LRRC3B: variants seen among roughly 807,000 people sequenced by gnomAD.
LRRC3B encodes the protein leucine rich repeat containing 3B, also known as leucine-rich repeat-containing protein 3B.
A neutral mutation model predicts 12.8 loss-of-function variants in LRRC3B; 2 were observed. The observed-to-expected ratio is 0.16, with a 90% CI of 0.06 to 0.49. The LOEUF (loss-of-function observed/expected upper bound fraction) is 0.49, where lower values mean the gene tolerates loss of function less well. Among genes scored for constraint, LRRC3B ranks in the 20% least tolerant of loss-of-function variants. The probability of loss-of-function intolerance (pLI) is 0.96; values close to 1 mark genes in which losing one functional copy is unlikely to be tolerated. For synonymous variants in LRRC3B, 132 were observed against 122.0 expected (o/e 1.08, Z -0.54); for missense variants, 189 against 319.4 (o/e 0.59, Z 3.11).
chr3:26,628,244 C>A (rs1253744493), intron 1 of LRRC3B, among the ~76,000 whole-genome samples: 1 of 151,754 alleles, frequency 6.6e-6, no homozygotes, highest in Admixed American at 6.6e-5. Context: ...AAAATAAAAA[C>A]TTTTATTCAG....
At chr3:26,658,253 T>A (rs1045669844) in intron 1 of LRRC3B, among the ~76,000 whole-genome samples, 1 of 151,956 alleles carries the variant, frequency 6.6e-6, no homozygotes, top group African/African-American at 2.4e-5. Flanking sequence ...AGAGACGGGG[T>A]TTCACCATGT....
chr3:26,631,593 C>T (rs1698758539), intron 1 of LRRC3B, among the ~76,000 whole-genome samples: 2 of 151,704 alleles, frequency 1.3e-5, no homozygotes, highest in African/African-American at 4.9e-5. Context: ...AACAGAATGT[C>T]CCTGTCTTGG....
At chr3:26,629,252 C>CT (rs1397079667) in intron 1 of LRRC3B, among the ~76,000 whole-genome samples, 1 of 150,584 alleles carries the variant, frequency 6.6e-6, no homozygotes, top group African/African-American at 2.4e-5. Context: ...CCCTTCCTTC[C>CT]TTTCTTCCTT....
chr3:26,692,421 GACGTGC>G (rs1700210526), intron 1 of LRRC3B, among the ~76,000 whole-genome samples: 1 of 152,172 alleles, frequency 6.6e-6, no homozygotes, highest in Non-Finnish European at 1.5e-5. Flanking sequence ...TTACACCTTA[GACGTGC>G]ATGGATATCT....
intron 1 of LRRC3B, among the ~76,000 whole-genome samples, chr3:26,640,467 AAATG>A (rs71931931): frequency 0.045 from 6,560 of 146,358 alleles, 358 homozygotes; most frequent in East Asian, 0.17. Context: ...ACAAACAAAC[AAATG>A]AAAACGCTGC....
chr3:26,670,361 C>T (rs1699694742), intron 1 of LRRC3B, among the ~76,000 whole-genome samples: 1 of 152,128 alleles, frequency 6.6e-6, no homozygotes, highest in Non-Finnish European at 1.5e-5. Context: ...TCTTCTTACC[C>T]CATTGCATGC....
At chr3:26,663,930 G>A (rs965976699) in intron 1 of LRRC3B, among the ~76,000 whole-genome samples, 1 of 152,010 alleles carries the variant, frequency 6.6e-6, no homozygotes, top group Non-Finnish European at 1.5e-5. Context: ...CGATAAAATT[G>A]CCCCTTTTTA....
intron 1 of LRRC3B, among the ~76,000 whole-genome samples, chr3:26,702,631 C>T (rs1013057403): frequency 3.9e-5 from 6 of 152,188 alleles, no homozygotes; most frequent in East Asian, 1.9e-4. Flanking sequence ...TATGAACCAT[C>T]GGGAGTCATT....
rs112924115 is a variant in LRRC3B, at chr3:26,697,519, A to T, written c.-160-11994A>T. On this transcript the variant is annotated intron_variant, in intron 1 of 1. Transcript: ENST00000396641. ...CCTTAATTTAATCTCATCTGCAAAG[A>T]TTCTTTTTCCATACAAGGTAACATT... 2.9e-3 allele frequency among the ~76,000 whole-genome samples: 445 copies of T among 152,298 alleles called. 1 individual carries two copies. The highest frequency in any genetic ancestry group is 1.0e-2 in the African/African-American group (415 of 41,564).
intron 1 of LRRC3B, among the ~76,000 whole-genome samples, chr3:26,693,308 G>T (rs867085276): frequency 1.6e-5 from 2 of 128,014 alleles, no homozygotes; most frequent in African/African-American, 3.0e-5. Flanking sequence ...CAGCCTGGGC[G>T]ACAGAGCGAA....
chr3:26,691,756 A>T (rs374079320), intron 1 of LRRC3B, among the ~76,000 whole-genome samples: 3 of 152,226 alleles, frequency 2.0e-5, no homozygotes, highest in African/African-American at 7.2e-5. Flanking sequence ...GATAATGGAC[A>T]GTGGGCTCCA....
intron 1 of LRRC3B, among the ~76,000 whole-genome samples, chr3:26,696,593 G>A (rs1335415997): frequency 2.0e-5 from 3 of 152,168 alleles, no homozygotes; most frequent in Non-Finnish European, 2.9e-5. Flanking sequence ...TCCCAGCACA[G>A]TTGTCACTAG....
In LRRC3B at chr3:26,648,267, T is replaced by G. The variant is rs1460721447; in HGVS notation, c.-161+25030T>G. ...TATTCATGATGTTTAGAAAGATGTG[T>G]TTTTTTTAGAAGTGTGAAAATCATC... On this transcript the variant is annotated intron_variant, in intron 1 of 1. Coordinates refer to ENST00000396641, the Ensembl canonical transcript of LRRC3B. Among the ~76,000 whole-genome samples the G allele has an allele frequency of 2.0e-5, 3 of 151,782 alleles. No homozygotes were observed. The South Asian group carries it at 6.2e-4, about 32-fold the overall frequency.
chr3:26,669,699 A>G (rs1392072749), intron 1 of LRRC3B, among the ~76,000 whole-genome samples: 1 of 152,244 alleles, frequency 6.6e-6, no homozygotes, highest in Non-Finnish European at 1.5e-5. Flanking sequence ...GCTATTTTAT[A>G]CTTCATTTAT....
At chr3:26,710,174 C>T in exon 2 of LRRC3B, 3 of 1,613,882 alleles carry the variant, frequency 1.9e-6, no homozygotes, top group Admixed American at 3.3e-5. Context: ...TGAGACAGCC[C>T]ACAACGTGAT....
intron 1 of LRRC3B, among the ~76,000 whole-genome samples, chr3:26,670,894 G>T (rs1413699845): frequency 6.6e-6 from 1 of 152,042 alleles, no homozygotes; most frequent in Non-Finnish European, 1.5e-5. Context: ...GAACTATCAA[G>T]GAGAATTCTG....
chr3:26,651,223 C>G (rs1340439156), intron 1 of LRRC3B, among the ~76,000 whole-genome samples: 1 of 152,130 alleles, frequency 6.6e-6, no homozygotes, highest in East Asian at 1.9e-4. Context: ...ATCCAATGTG[C>G]TTTTGTTTTA....
chr3:26,684,038 G>T (rs146549159), intron 1 of LRRC3B, among the ~76,000 whole-genome samples: 19 of 152,142 alleles, frequency 1.2e-4, no homozygotes, highest in Non-Finnish European at 2.8e-4. Context: ...GACTTGTCCC[G>T]TTTCTCCTGG....
At chr3:26,699,923 A>C (rs1307506560) in intron 1 of LRRC3B, among the ~76,000 whole-genome samples, 1 of 152,178 alleles carries the variant, frequency 6.6e-6, no homozygotes, top group Non-Finnish European at 1.5e-5. Context: ...ACAGAGGGAT[A>C]AATGCTGGGT....
Sources: gnomAD v4.1 joint callset for allele counts (sites outside exome capture counted in the v4.1 genomes callset) on GRCh38, gnomAD v4.1.1 for gene constraint, MANE v1.5 for transcripts, NCBI Gene and HGNC (gene_info 2026-07-23, HGNC 2026-07-21) for gene names.